Variants in EHD3 observed in about 807,000 individuals in gnomAD.
The protein encoded by EHD3 is EH domain containing 3, also known as EH domain-containing protein 3.
A neutral mutation model predicts 43.0 loss-of-function variants in EHD3; 17 were observed. The observed-to-expected ratio is 0.40, with a 90% CI of 0.27 to 0.59. The LOEUF (loss-of-function observed/expected upper bound fraction) is 0.59. Ranked by LOEUF, EHD3 falls within the 20% of genes least tolerant of loss-of-function variation. The probability of loss-of-function intolerance (pLI) is 0.49; values close to 1 mark genes in which losing one functional copy is unlikely to be tolerated. For missense variants in EHD3, 594 were observed against 705.6 expected (o/e 0.84, Z 1.79); for synonymous variants, 313 against 289.5 (o/e 1.08, Z -0.82).
At chr2:31,245,324 G>C (rs1683496070) in intron 2 of EHD3, among the ~76,000 whole-genome samples, 1 of 151,952 alleles carries the variant, frequency 6.6e-6, no homozygotes, top group Non-Finnish European at 1.5e-5. Flanking sequence ...AGGAGTTAAA[G>C]GAGAAATAAG....
chr2:31,245,549 ATATATTTTTT>A (rs1413457107), intron 2 of EHD3, among the ~76,000 whole-genome samples: 2,886 of 46,464 alleles, frequency 0.062, 25 homozygotes, highest in East Asian at 0.33. Context: ...ATATATATAT[ATATATTTTTT>A]TTTTTTTTTT....
chr2:31,234,364 C>T lies in EHD3; in HGVS notation c.-258C>T, dbSNP rs1397093155. 3 of 512,424 alleles carry T rather than the reference C, an allele frequency of 5.9e-6. No homozygotes were observed. Among genetic ancestry groups the T allele is most frequent in the Non-Finnish European group, 1.1e-5 (3 of 285,062 alleles). The allele number at this position is 512,424 out of a possible 1,614,324, so 31.7% of individuals were successfully genotyped here. On this transcript the variant is annotated 5_prime_UTR_variant, in exon 1 of 6. Transcript: ENST00000322054. ...CTTTAATTGCCAAGATTTCACCCCT[C>T]CTCCTCAAGCCCAGATTATTTATCC...
chr2:31,256,629 G>A lies in EHD3; in HGVS notation c.503-3881G>A, dbSNP rs549055734. Among the ~76,000 whole-genome samples the A allele has an allele frequency of 7.9e-5, 12 of 152,346 alleles. No homozygotes were observed. The South Asian group carries it at 2.5e-3, about 32-fold the overall frequency. On this transcript the variant is annotated intron_variant, in intron 3 of 5. Coordinates refer to ENST00000322054, the MANE Select transcript of EHD3 (RefSeq NM_014600.3). ...ATGCTACAAGACCACTGAGGGCAGG[G>A]ACAGGGATAGGCAGGGGTCTATCCT...
chr2:31,234,802 G>T lies in EHD3; in HGVS notation c.181G>T (p.Val61Phe). ...TGCCGACTTCGACAACAAGCCCATG[G>T]TTCTGCTGGTGGGCCAGTACTCCAC... is the stretch of plus-strand genomic sequence containing the variant. ...EDADFDNKPM[V>F]LLVGQYSTGK... The change falls in exon 1 of 6, where the codon GTT (valine) becomes TTT (phenylalanine). Residue 61 changes from valine to phenylalanine, a missense_variant. Physicochemically the swap from Val to Phe is conservative, Grantham distance 50 (BLOSUM62 -1). Transcript: ENST00000322054. 2 of 1,614,178 alleles carry T rather than the reference G, an allele frequency of 1.2e-6. No individual in the cohort carries two copies. The highest frequency in any genetic ancestry group is 1.7e-6 in the Non-Finnish European group (2 of 1,180,036).
intron 1 of EHD3, among the ~76,000 whole-genome samples, chr2:31,237,962 T>C (rs1421156312): frequency 6.6e-6 from 1 of 152,226 alleles, no homozygotes; most frequent in Non-Finnish European, 1.5e-5. Context: ...TCTCTGTGTA[T>C]AATATTTTTT....
chr2:31,239,213 G>A (rs1683374672), intron 1 of EHD3, among the ~76,000 whole-genome samples: 1 of 152,244 alleles, frequency 6.6e-6, no homozygotes, highest in Non-Finnish European at 1.5e-5. Context: ...AAGGGATAGA[G>A]TGAGAGGGCC....
At chr2:31,253,206 G>GCA (rs113010276) in intron 3 of EHD3, among the ~76,000 whole-genome samples, 23,071 of 129,532 alleles carry the variant, frequency 0.18, 2,250 homozygotes, top group African/African-American at 0.29. Flanking sequence ...CACATATCCT[G>GCA]CATATACACA....
chr2:31,247,741 GGCAAGAGGAAGA>G (rs1683553896), intron 2 of EHD3, among the ~76,000 whole-genome samples: 1 of 152,208 alleles, frequency 6.6e-6, no homozygotes, highest in African/African-American at 2.4e-5. Flanking sequence ...TGATAACCCA[GGCAAGAGGAAGA>G]GCAGGCCTGA....
Position 31,266,969 on chromosome 2 carries a change from C to T in EHD3, c.*265C>T, listed in dbSNP as rs1683966421. 1 of 451,282 alleles carries T rather than the reference C, an allele frequency of 2.2e-6. No homozygotes were observed. Among genetic ancestry groups the T allele is most frequent in the East Asian group, 3.6e-5 (1 of 27,630 alleles). 28.0% of individuals were successfully genotyped at this position (451,282 alleles called of 1,614,324 possible). On this transcript the variant is annotated 3_prime_UTR_variant, in exon 6 of 6. Transcript: ENST00000322054. The surrounding 1 kb of genome is among the most constrained non-coding windows in gnomAD (Gnocchi z 5.1). ...AGCCTAAGTCTCTATCGCTCTTCCC[C>T]TCTCCTCGGCCACTCCCCAGATACC...
intron 3 of EHD3, among the ~76,000 whole-genome samples, chr2:31,253,255 C>CACACACAA (rs2148720317): frequency 6.8e-6 from 1 of 146,456 alleles, no homozygotes; most frequent in South Asian, 2.1e-4. Flanking sequence ...CCCACACACA[C>CACACACAA]ACACACACAC....
chr2:31,238,753 G>T (rs1572460671), intron 1 of EHD3, among the ~76,000 whole-genome samples: 2 of 152,186 alleles, frequency 1.3e-5, no homozygotes, highest in African/African-American at 4.8e-5. Context: ...CCCTTATTCT[G>T]CAGGTAGTGG....
chr2:31,254,003 G>A (rs189590331), intron 3 of EHD3, among the ~76,000 whole-genome samples: 18 of 152,186 alleles, frequency 1.2e-4, no homozygotes, highest in African/African-American at 3.4e-4. Flanking sequence ...CCCCATAGGC[G>A]CCACCTTAGG....
At chr2:31,253,191 C>A in intron 3 of EHD3, among the ~76,000 whole-genome samples, 1 of 139,648 alleles carries the variant, frequency 7.2e-6, no homozygotes, top group South Asian at 2.4e-4. Flanking sequence ...CATACACACT[C>A]CTCACACATA....
Position 31,266,169 on chromosome 2 carries a change from C to G in EHD3, c.1081-8C>G. 6.2e-7 allele frequency: 1 copy of G among 1,603,086 alleles called. No individual in the cohort carries two copies. Among genetic ancestry groups the G allele is most frequent in the South Asian group, 1.1e-5 (1 of 89,956 alleles). ...TCCTATCTTCATCCTCTCTCCTCCT[C>G]TTCCCAGGACCAGCTGCAGGCCCAG... is the stretch of plus-strand genomic sequence containing the variant. On this transcript the variant is annotated splice_region_variant and splice_polypyrimidine_tract_variant and intron_variant, in intron 5 of 5. Coordinates refer to ENST00000322054, the MANE Select transcript of EHD3 (RefSeq NM_014600.3). The surrounding 1 kb of genome is among the most constrained non-coding windows in gnomAD (Gnocchi z 5.1).
intron 1 of EHD3, among the ~76,000 whole-genome samples, chr2:31,236,396 G>A (rs981365240): frequency 3.3e-5 from 5 of 152,320 alleles, no homozygotes; most frequent in African/African-American, 9.6e-5. Context: ...AAAAATGTAC[G>A]TACATCCCAA....
intron 1 of EHD3, 100 bp from the exon 2 acceptor site, chr2:31,244,174 G>A (rs1683476027): frequency 1.7e-6 from 2 of 1,203,688 alleles, no homozygotes; most frequent in Non-Finnish European, 1.1e-6. Context: ...CGGTGGCCCT[G>A]CCCTCCCCTC....
chr2:31,238,497 G>C (rs1170933426), intron 1 of EHD3, among the ~76,000 whole-genome samples: 5 of 152,184 alleles, frequency 3.3e-5, no homozygotes, highest in African/African-American at 1.2e-4. Context: ...AACTTCCCCG[G>C]CCTAAGGCCC....
intron 5 of EHD3, among the ~76,000 whole-genome samples, chr2:31,264,010 CT>C (rs1683898689): frequency 6.6e-6 from 1 of 152,248 alleles, no homozygotes; most frequent in African/African-American, 2.4e-5. Flanking sequence ...ACCTGCCTGC[CT>C]GTGCCTGCTG....
intron 2 of EHD3, among the ~76,000 whole-genome samples, chr2:31,246,710 T>C (rs552835140): frequency 7.2e-5 from 11 of 152,268 alleles, no homozygotes; most frequent in Non-Finnish European, 1.2e-4. Context: ...GTTAAATGTA[T>C]TGAAACCAGG....
Sources: gnomAD v4.1 joint callset for allele counts (sites outside exome capture counted in the v4.1 genomes callset) on GRCh38, gnomAD v4.1.1 for gene constraint, Gnocchi (gnomAD v3.1) non-coding constraint, MANE v1.5 for transcripts, NCBI Gene and HGNC (gene_info 2026-07-23, HGNC 2026-07-21) for gene names.